Variants in CDAN1 observed in about 807,000 individuals in gnomAD.
CDAN1 encodes the protein codanin-1.
A neutral mutation model predicts 139.8 loss-of-function variants in CDAN1; 107 were observed. The ratio of observed to expected loss-of-function variants is 0.77; its 90% CI spans 0.65 to 0.90. The LOEUF is 0.90. Among genes scored for constraint, CDAN1 ranks in the 40% least tolerant of loss-of-function variants. The pLI is 0.00. For synonymous variants in CDAN1, 776 were observed against 660.6 expected, an observed-to-expected ratio of 1.17 and a Z score of -2.68; for missense variants, 1,667 against 1,575.7, an observed-to-expected ratio of 1.06 and a Z score of -0.98.
chr15:42,729,922 A>ACGGGCCCCCCCCCCCCC, intron 15 of CDAN1, 37 bp from the exon 16 acceptor site: 16 of 1,513,014 alleles, frequency 1.1e-5, no homozygotes, highest in African/African-American at 1.4e-5. Context: ...AACTTCAGAG[A>ACGGGCCCCCCCCCCCCC]CCCCCACCCA....
intron 22 of CDAN1, 67 bp downstream of exon 22, chr15:42,727,888 C>A: frequency 6.3e-7 from 1 of 1,597,756 alleles, no homozygotes; most frequent in Non-Finnish European, 8.6e-7. Context: ...CCACAAGATG[C>A]CTCTGACTCT....
At chr15:42,731,399 G>C in intron 11 of CDAN1, 68 bp from the exon 12 acceptor site, 1 of 1,604,322 alleles carries the variant, frequency 6.2e-7, no homozygotes, top group Non-Finnish European at 8.5e-7. Context: ...ATCGAGAAGG[G>C]GCACTCCAGA....
intron 15 of CDAN1, 99 bp from the exon 16 acceptor site, chr15:42,729,984 A>C: frequency 8.3e-7 from 1 of 1,200,064 alleles, no homozygotes; most frequent in South Asian, 1.3e-5. Flanking sequence ...GCTTCAAAGC[A>C]GCCACCTCTG....
At chr15:42,728,358 G>A (rs1347839187) in intron 20 of CDAN1, 91 bp from the exon 21 acceptor site, 7 of 1,430,066 alleles carry the variant, frequency 4.9e-6, no homozygotes, top group African/African-American at 1.4e-5. Flanking sequence ...CCCTGACCTG[G>A]GAGGCTGTAC....
In CDAN1 at chr15:42,735,926, G is replaced by A. The variant is rs751956841; in HGVS notation, c.722C>T (p.Pro241Leu). 2 of 1,614,032 alleles carry A rather than the reference G, an allele frequency of 1.2e-6. No homozygotes were observed. The highest frequency in any genetic ancestry group is 1.7e-6 in the Non-Finnish European group (2 of 1,180,038). The change falls in exon 3 of 28, where the codon CCC becomes CTC. Residue 241 changes from proline (P) to leucine (L), a missense_variant. By Grantham distance (98) the Pro-to-Leu change is moderately conservative. This residue lies in a region of CDAN1 where 487 missense variants were observed against 422.2 expected (regional missense o/e 1.15). Coordinates refer to ENST00000356231, the MANE Select transcript of CDAN1 (RefSeq NM_138477.4). ...LDTSPWGLGLPPGCRSLQEER... is the reference protein window; with the variant it reads ...LDTSPWGLGLLPGCRSLQEER... ...CTCTTGCAGACTTCTGCACCCTGGG[G>A]GAAGGCCAAGGCCCCAAGGGCTAGT...
chr15:42,732,262 G>A, intron 10 of CDAN1, 71 bp downstream of exon 10: 3 of 1,406,246 alleles, frequency 2.1e-6, no homozygotes, highest in Middle Eastern at 1.8e-4. Context: ...CTATCCCAAA[G>A]TGCAGCCGTT....
chr15:42,731,545 A>C (rs899121061), intron 11 of CDAN1, 75 bp downstream of exon 11: 11 of 1,520,696 alleles, frequency 7.2e-6, no homozygotes, highest in Non-Finnish European at 1.0e-5. Context: ...GAGACTGGAG[A>C]ACTATTTACC....
At position 42,731,343 on chromosome 15, in the gene CDAN1, G is replaced by A. The variant is rs766310645; in HGVS notation, c.1740-12C>T. ...GGTTAAACTGGAAGCTGAGAAGAAG[G>A]GGTGGGTGGGGCATAAGCACTGGAA... On this transcript the variant is annotated splice_polypyrimidine_tract_variant and intron_variant, in intron 11 of 27. Coordinates refer to ENST00000356231, the MANE Select transcript of CDAN1 (RefSeq NM_138477.4). The A allele has an allele frequency of 1.9e-6, 3 of 1,613,206 alleles. No homozygotes were observed. The highest frequency in any genetic ancestry group is 2.2e-5 in the East Asian group (1 of 44,878).
At chr15:42,727,147 T>C (rs899209154) in intron 23 of CDAN1, 1 of 156,936 alleles carries the variant, frequency 6.4e-6, no homozygotes, top group Admixed American at 6.3e-5. Context: ...CTTCAGTCCA[T>C]GGGCTGTTTC....
At position 42,729,777 on chromosome 15, in the gene CDAN1, G is replaced by A. The variant is rs759861059; in HGVS notation, c.2352+19C>T. ...TATTCCTGAGTTTCCCATGGCTCTG[G>A]CGGAACCCCAGCACTCACCAAGCCA... On this transcript the variant is annotated intron_variant, in intron 16 of 27. Transcript: ENST00000356231. The A allele has an allele frequency of 2.5e-6, 4 of 1,609,284 alleles. No individual in the cohort carries two copies. The highest frequency in any genetic ancestry group is 3.4e-6 in the Non-Finnish European group (4 of 1,176,368).
chr15:42,730,570 C>T, intron 14 of CDAN1, 28 bp downstream of exon 14: 1 of 1,613,222 alleles, frequency 6.2e-7, no homozygotes, highest in South Asian at 1.1e-5. Context: ...CGAATCCTTT[C>T]ATCAAGCCTC....
At chr15:42,724,960 G>T (rs1356478190) in intron 27 of CDAN1, 184 bp downstream of exon 27, 6 of 668,630 alleles carry the variant, frequency 9.0e-6, no homozygotes, top group African/African-American at 7.2e-5. Flanking sequence ...CCTGCCTTTC[G>T]TCCGTCTTCC....
At position 42,725,207 on chromosome 15, in the gene CDAN1, A is replaced by T. The variant is rs1304914895; in HGVS notation, c.3495T>A (p.Gly1165=). The T allele has an allele frequency of 1.2e-6, 2 of 1,613,922 alleles. No individual in the cohort carries two copies. The highest frequency in any genetic ancestry group is 1.7e-6 in the Non-Finnish European group (2 of 1,180,008). ...CCTCTATCTCCATCCGTCCCATCAGACCCTTCTCCACCAGCTCCCGTAGCA... is the reference window on the plus strand; with the variant it reads ...CCTCTATCTCCATCCGTCCCATCAGTCCCTTCTCCACCAGCTCCCGTAGCA... ...LFLLRELVEK[G]LMGRMEIEAC... Residue 1165 remains glycine, a synonymous_variant, in exon 27 of 28, where the codon GGT becomes GGA. Transcript: ENST00000356231.
intron 25 of CDAN1, 41 bp from the exon 26 acceptor site, chr15:42,725,711 G>A (rs1378738946): frequency 6.2e-7 from 1 of 1,604,872 alleles, no homozygotes. Flanking sequence ...GATGGGGGCA[G>A]GCCGGGTGCG....
chr15:42,728,153 A>T, intron 21 of CDAN1, 51 bp downstream of exon 21: 1 of 1,602,804 alleles, frequency 6.2e-7, no homozygotes, highest in Non-Finnish European at 8.5e-7. Context: ...TACTCCGTGC[A>T]CCTCCCCACA....
In CDAN1 at chr15:42,727,937, C is replaced by G. The variant is rs1346061606; in HGVS notation, c.2947+18G>C. The G allele has an allele frequency of 1.2e-6, 2 of 1,612,340 alleles. No individual in the cohort carries two copies. Among genetic ancestry groups the G allele is most frequent in the Non-Finnish European group, 1.7e-6 (2 of 1,178,440 alleles). ...TTTTAAACACTTGATTCAGCCACTC[C>G]CCCATCCAGGACCTTACCTGTGATG... On this transcript the variant is annotated intron_variant, in intron 22 of 27. Coordinates refer to ENST00000356231, the MANE Select transcript of CDAN1 (RefSeq NM_138477.4).
In CDAN1 at chr15:42,724,536, A is replaced by T; in HGVS notation, c.3639T>A (p.Cys1213Ter). ...TGCCCCGGTTTGGCTGCACCAACTC[A>T]CAGGCTCTTAGCTGGGGTTCTGGCA... ...PHLPEPQLRA[C>*]ELVQPNRGTV... Residue 1213 changes from cysteine to a stop codon, truncating the protein, a stop_gained, in exon 28 of 28, where the codon TGT (cysteine) becomes TGA (stop). Coordinates refer to ENST00000356231, the MANE Select transcript of CDAN1 (RefSeq NM_138477.4). LOFTEE classifies it high-confidence loss of function. 1 of 1,566,242 alleles carries T rather than the reference A, an allele frequency of 6.4e-7. No homozygotes were observed. The highest frequency in any genetic ancestry group is 8.7e-7 in the Non-Finnish European group (1 of 1,154,384).
intron 22 of CDAN1, 52 bp downstream of exon 22, chr15:42,727,903 C>CAGTCCACTTTT (rs2061553187): frequency 2.5e-6 from 4 of 1,603,354 alleles, no homozygotes; most frequent in Non-Finnish European, 3.4e-6. Flanking sequence ...GACTCTCTGC[C>CAGTCCACTTTT]AGTCCACTTT....
At position 42,727,749 on chromosome 15, in the gene CDAN1, T is replaced by C; in HGVS notation, c.2968A>G (p.Lys990Glu). Residue 990 changes from lysine (K) to glutamate (E), a missense_variant, in exon 23 of 28, where the codon AAA becomes GAA. Lys to Glu is a moderately conservative substitution (Grantham distance 56). This residue lies in a region of CDAN1 where 936 missense variants were observed against 844.1 expected (regional missense o/e 1.11). Transcript: ENST00000356231. ...CGAAGTGTGCGACTCACTGCTGCTT[T>C]CACCTCCCTCCTGATCAGTGCTGTG... ...NITALIRREVKAAVSRTLRAQ... is the reference protein window; with the variant it reads ...NITALIRREVEAAVSRTLRAQ... 4 of 1,592,458 alleles carry C rather than the reference T, an allele frequency of 2.5e-6. No homozygotes were observed. Among genetic ancestry groups the C allele is most frequent in the Non-Finnish European group, 3.4e-6 (4 of 1,166,400 alleles).
Sources: allele counts gnomAD v4.1 joint callset, GRCh38; gene constraint gnomAD v4.1.1; regional missense constraint gnomAD v4.1.1; transcripts MANE v1.5; gene names NCBI Gene and HGNC (gene_info 2026-07-23, HGNC 2026-07-21).